The following TTC6 variants were observed in gnomAD, a reference collection of about 807,000 sequenced individuals.
TTC6 encodes tetratricopeptide repeat domain 6, also known as tetratricopeptide repeat protein 6.
Under a neutral mutation model 210.4 loss-of-function variants are expected in TTC6, and 172 were observed. The ratio of observed to expected loss-of-function variants is 0.82; its 90% CI spans 0.72 to 0.93. TTC6 has a LOEUF of 0.93. TTC6 is among the 40% of genes least tolerant of loss of function. The probability of loss-of-function intolerance (pLI) is 0.00; values close to 1 mark genes in which losing one functional copy is unlikely to be tolerated. For missense variants in TTC6, 2,414 were observed against 2,318.1 expected, an observed-to-expected ratio of 1.04 and a Z score of -0.85; for synonymous variants, 804 against 819.6, an observed-to-expected ratio of 0.98 and a Z score of 0.32.
chr14:37,839,696 G>C (rs548164425), intron 29 of TTC6, among the ~76,000 whole-genome samples: 1 of 152,142 alleles, frequency 6.6e-6, no homozygotes, highest in Non-Finnish European at 1.5e-5. Context: ...CATTGCTTTT[G>C]GTGTTTTAGT....
At chr14:37,631,718 G>A (rs1262910128) in intron 1 of TTC6, among the ~76,000 whole-genome samples, 1 of 152,144 alleles carries the variant, frequency 6.6e-6, no homozygotes, top group Non-Finnish European at 1.5e-5. Flanking sequence ...TTCCAACTTG[G>A]TTCCATTCTC....
At chr14:37,661,709 AT>A (rs1187117307) in intron 1 of TTC6, among the ~76,000 whole-genome samples, 14 of 152,314 alleles carry the variant, frequency 9.2e-5, no homozygotes, top group African/African-American at 3.4e-4. Flanking sequence ...TCTGTGAAGA[AT>A]TTCAATGGTA....
intron 1 of TTC6, among the ~76,000 whole-genome samples, chr14:37,634,238 A>G (rs1487092764): frequency 6.6e-6 from 1 of 152,232 alleles, no homozygotes; most frequent in Non-Finnish European, 1.5e-5. Flanking sequence ...CAAACAGAAA[A>G]GTAGAAATTC....
In TTC6 at chr14:37,739,938, C is replaced by T. The variant is rs551944464; in HGVS notation, c.2363+783C>T. Among the ~76,000 whole-genome samples, 452 of 151,962 alleles carry T rather than the reference C, an allele frequency of 3.0e-3. 4 individuals carry two copies. Among genetic ancestry groups the T allele is most frequent in the Non-Finnish European group, 4.2e-3 (287 of 67,960 alleles). Reference sequence around the variant, plus strand: ...CAGCACTTTGGGAGGCTGAGGCGGACAGATCACGAGGTCAGGAGATCGAGA... The same window carrying T: ...CAGCACTTTGGGAGGCTGAGGCGGATAGATCACGAGGTCAGGAGATCGAGA... On this transcript the variant is annotated intron_variant, in intron 10 of 30. Transcript: ENST00000553443.
At chr14:37,808,104 A>G (rs942226117) in intron 23 of TTC6, among the ~76,000 whole-genome samples, 1 of 152,132 alleles carries the variant, frequency 6.6e-6, no homozygotes, top group Non-Finnish European at 1.5e-5. Flanking sequence ...TGTGACTGGC[A>G]CCATTGATAT....
At chr14:37,665,967 T>C (rs144955774) in intron 1 of TTC6, among the ~76,000 whole-genome samples, 3 of 150,740 alleles carry the variant, frequency 2.0e-5, no homozygotes, top group African/African-American at 7.2e-5. Context: ...ACCTCCAAAA[T>C]ACAGAGTTTA....
intron 14 of TTC6, among the ~76,000 whole-genome samples, chr14:37,775,868 T>C (rs184493743): frequency 3.2e-4 from 48 of 152,320 alleles, no homozygotes; most frequent in African/African-American, 1.2e-3. Flanking sequence ...TACCATTATG[T>C]AATGCCCTTC....
intron 1 of TTC6, among the ~76,000 whole-genome samples, chr14:37,628,664 A>G (rs549729855): frequency 6.4e-4 from 98 of 152,184 alleles, no homozygotes; most frequent in Middle Eastern, 3.4e-3. Flanking sequence ...TGCTGTTTCA[A>G]TCATGAAGTC....
exon 4 of TTC6, chr14:37,696,719 A>C: frequency 7.0e-7 from 1 of 1,437,910 alleles, no homozygotes; most frequent in Non-Finnish European, 9.1e-7. Flanking sequence ...TCTTAAAGGC[A>C]AAATCACCAG....
chr14:37,683,466 C>T (rs2095788210), intron 3 of TTC6, among the ~76,000 whole-genome samples: 1 of 152,124 alleles, frequency 6.6e-6, no homozygotes, highest in Admixed American at 6.6e-5. Flanking sequence ...TAAGTTTCCT[C>T]TTATCCTTGG....
chr14:37,757,585 A>G (rs913904067), intron 14 of TTC6, among the ~76,000 whole-genome samples: 2 of 151,996 alleles, frequency 1.3e-5, no homozygotes, highest in African/African-American at 4.8e-5. Context: ...CTTCTTTATT[A>G]ATCTAGCTAG....
intron 10 of TTC6, among the ~76,000 whole-genome samples, chr14:37,739,468 C>CA (rs2095911661): frequency 6.6e-6 from 1 of 150,438 alleles, no homozygotes; most frequent in South Asian, 2.1e-4. Context: ...CCCAGCTACT[C>CA]AGGAGGCTGA....
intron 1 of TTC6, among the ~76,000 whole-genome samples, chr14:37,604,017 C>A (rs1341319809): frequency 1.3e-5 from 2 of 152,190 alleles, no homozygotes; most frequent in Non-Finnish European, 2.9e-5. Flanking sequence ...ATTCTGGGAG[C>A]CTGAGAGGTG....
chr14:37,690,290 A>C, intron 3 of TTC6, among the ~76,000 whole-genome samples: 1 of 152,146 alleles, frequency 6.6e-6, no homozygotes, highest in South Asian at 2.1e-4. Context: ...CTTTACTAAA[A>C]GGAAGACAGG....
intron 1 of TTC6, among the ~76,000 whole-genome samples, chr14:37,601,294 T>C (rs2095615125): frequency 6.6e-6 from 1 of 152,046 alleles, no homozygotes; most frequent in Non-Finnish European, 1.5e-5. Context: ...TTATTTTTCA[T>C]TTTTTTTCTC....
At chr14:37,615,040 C>T (rs751538057) in intron 2 of TTC6, among the ~76,000 whole-genome samples, 1 of 152,196 alleles carries the variant, frequency 6.6e-6, no homozygotes, top group Non-Finnish European at 1.5e-5. Flanking sequence ...AGCCACTGCA[C>T]CTGCTCTGGG....
chr14:37,808,014 T>TA (rs1445550089), intron 23 of TTC6, among the ~76,000 whole-genome samples: 3 of 152,124 alleles, frequency 2.0e-5, no homozygotes, highest in Non-Finnish European at 4.4e-5. Context: ...TACTATTTAA[T>TA]ATAGTTATAT....
At chr14:37,777,257 G>C (rs533246980) in intron 14 of TTC6, among the ~76,000 whole-genome samples, 4 of 152,202 alleles carry the variant, frequency 2.6e-5, no homozygotes, top group African/African-American at 9.6e-5. Context: ...TTTGGTTTAT[G>C]TACATAATCC....
At chr14:37,829,164 T>C (rs1159816998) in intron 29 of TTC6, among the ~76,000 whole-genome samples, 2 of 151,976 alleles carry the variant, frequency 1.3e-5, no homozygotes, top group East Asian at 1.9e-4. Context: ...AAATCCTTTG[T>C]TTTTGGTATG....
Sources: allele counts gnomAD v4.1 joint callset (sites outside exome capture counted in the v4.1 genomes callset), GRCh38; gene constraint gnomAD v4.1.1; transcripts MANE v1.5; gene names NCBI Gene and HGNC (gene_info 2026-07-23, HGNC 2026-07-21).